Variants in IL1RAPL1 observed in about 807,000 individuals in gnomAD.
The protein encoded by IL1RAPL1 is interleukin 1 receptor accessory protein like 1.
Under a neutral mutation model 48.4 loss-of-function variants are expected in IL1RAPL1, and 3 were observed. That is an observed-to-expected ratio of 0.06 (90% CI 0.03 to 0.16). IL1RAPL1 has a LOEUF of 0.16. Ranked by LOEUF, IL1RAPL1 falls within the 10% of genes least tolerant of loss-of-function variation. The probability of loss-of-function intolerance (pLI) is 1.00; values close to 1 mark genes in which losing one functional copy is unlikely to be tolerated. For synonymous variants in IL1RAPL1, 185 were observed against 187.7 expected (o/e 0.99, Z 0.12); for missense variants, 349 against 530.6 (o/e 0.66, Z 3.36).
At chrX:29,149,211 A>T (rs1432455184) in intron 2 of IL1RAPL1, among the ~76,000 whole-genome samples, 1 of 110,814 alleles carries the variant, frequency 9.0e-6, no homozygotes, top group Non-Finnish European at 1.9e-5. Context: ...GCTTTATTAC[A>T]TCAGCTACAT....
chrX:29,790,349 AT>A (rs1929602189), intron 6 of IL1RAPL1, among the ~76,000 whole-genome samples: 1 of 111,380 alleles, frequency 9.0e-6, no homozygotes, highest in Non-Finnish European at 1.9e-5. Flanking sequence ...AATATTCATG[AT>A]TCTTATTGCG....
intron 2 of IL1RAPL1, among the ~76,000 whole-genome samples, chrX:29,056,180 A>T (rs761151872): frequency 9.0e-6 from 1 of 111,705 alleles, no homozygotes; most frequent in South Asian, 3.7e-4. Flanking sequence ...TTTAATATGG[A>T]CATGAACTCA....
chrX:28,593,833 T>A lies in IL1RAPL1; in HGVS notation c.-25+5786T>A, dbSNP rs185011926. ...TATCGATGTTTTAGATTAATATGTA[T>A]GACTTGGTATAGTGATCTTCATCAT... On this transcript the variant is annotated intron_variant, in intron 1 of 10. Coordinates refer to ENST00000378993, the MANE Select transcript of IL1RAPL1 (RefSeq NM_014271.4). Among the ~76,000 whole-genome samples, 43 of 111,419 alleles carry A rather than the reference T, an allele frequency of 3.9e-4. No homozygotes were observed. The East Asian group carries it at 8.7e-3, about 23-fold the overall frequency.
chrX:29,089,806 A>G (rs1184409687), intron 2 of IL1RAPL1, among the ~76,000 whole-genome samples: 2 of 85,063 alleles, frequency 2.4e-5, no homozygotes, highest in Non-Finnish European at 4.6e-5. Flanking sequence ...ACAGACACAC[A>G]TGTATATGAA....
chrX:28,815,106 A>G lies in IL1RAPL1; in HGVS notation c.82+25681A>G, dbSNP rs192501703. Among the ~76,000 whole-genome samples, 490 of 110,168 alleles carry G rather than the reference A, an allele frequency of 4.4e-3. 12 individuals carry two copies. The highest frequency in any genetic ancestry group is 0.041 in the Admixed American group (421 of 10,295). ...AAGAATAATAAAAACAAAATACTTT[A>G]CCTTCATTTATTTCCTCCCTTGATG... is the stretch of plus-strand genomic sequence containing the variant. On this transcript the variant is annotated intron_variant, in intron 2 of 10. Coordinates refer to ENST00000378993, the MANE Select transcript of IL1RAPL1 (RefSeq NM_014271.4).
chrX:28,613,018 C>T (rs1192656786), intron 1 of IL1RAPL1, among the ~76,000 whole-genome samples: 2 of 111,564 alleles, frequency 1.8e-5, no homozygotes, highest in Non-Finnish European at 3.8e-5. Context: ...GGACTCTTGT[C>T]ATATAGATCT....
At chrX:29,021,223 A>G (rs1926360825) in intron 2 of IL1RAPL1, among the ~76,000 whole-genome samples, 1 of 107,722 alleles carries the variant, frequency 9.3e-6, no homozygotes. Context: ...AGGAAAAAAA[A>G]AAAAAAAAAA....
intron 5 of IL1RAPL1, among the ~76,000 whole-genome samples, chrX:29,577,691 A>G (rs1922823027): frequency 8.9e-6 from 1 of 112,085 alleles, no homozygotes; most frequent in African/African-American, 3.2e-5. Context: ...TTCAAATTTC[A>G]GGTAGTGGGA....
chrX:28,854,968 T>C (rs752861872), intron 2 of IL1RAPL1, among the ~76,000 whole-genome samples: 5 of 111,839 alleles, frequency 4.5e-5, no homozygotes, highest in African/African-American at 1.6e-4. Flanking sequence ...GATCCTCTTA[T>C]CTTGTAGTGT....
chrX:28,945,078 G>A (rs183369927), intron 2 of IL1RAPL1, among the ~76,000 whole-genome samples: 19 of 111,190 alleles, frequency 1.7e-4, no homozygotes, highest in African/African-American at 6.2e-4. Flanking sequence ...TCAGAATGAC[G>A]ATTATTAAAA....
chrX:29,602,970 A>C (rs1923770055), intron 5 of IL1RAPL1, among the ~76,000 whole-genome samples: 1 of 112,644 alleles, frequency 8.9e-6, no homozygotes, highest in Non-Finnish European at 1.9e-5. Flanking sequence ...ATTTTCAGAT[A>C]AAATAGTGAA....
chrX:29,749,098 T>G lies in IL1RAPL1; in HGVS notation c.778+80594T>G, dbSNP rs141525143. ...GTTTGAGTTGCTAAATTGGAGGGCATGCAGGAAGCAGCATGGGAATGAAAT... is the reference window on the plus strand; with the variant it reads ...GTTTGAGTTGCTAAATTGGAGGGCAGGCAGGAAGCAGCATGGGAATGAAAT... On this transcript the variant is annotated intron_variant, in intron 6 of 10. Transcript: ENST00000378993. 5.7e-3 allele frequency among the ~76,000 whole-genome samples: 639 copies of G among 112,073 alleles called. 4 individuals carry two copies. Among genetic ancestry groups the G allele is most frequent in the African/African-American group, 0.02 (604 of 30,908 alleles).
At chrX:29,226,713 G>A (rs1191358676) in intron 2 of IL1RAPL1, among the ~76,000 whole-genome samples, 4 of 108,772 alleles carry the variant, frequency 3.7e-5, no homozygotes, top group Non-Finnish European at 5.7e-5. Context: ...GGGATTACAG[G>A]CGTGAGCCAC....
chrX:28,735,076 G>A (rs1935804930), intron 1 of IL1RAPL1, among the ~76,000 whole-genome samples: 1 of 111,924 alleles, frequency 8.9e-6, no homozygotes, highest in Non-Finnish European at 1.9e-5. Context: ...ATCAAGTTCT[G>A]TACCACCTAT....
chrX:28,935,332 T>G (rs1181994642), intron 2 of IL1RAPL1, among the ~76,000 whole-genome samples: 2 of 110,393 alleles, frequency 1.8e-5, no homozygotes, highest in Non-Finnish European at 3.8e-5. Flanking sequence ...CTTCCTTGGT[T>G]ATATATATAT....
intron 1 of IL1RAPL1, among the ~76,000 whole-genome samples, chrX:28,609,005 T>C (rs1053230657): frequency 1.8e-4 from 20 of 112,325 alleles, no homozygotes; most frequent in African/African-American, 6.1e-4. Context: ...AGACTGGCAT[T>C]AAGATGTGAA....
At chrX:29,468,804 G>T (rs894131177) in intron 5 of IL1RAPL1, among the ~76,000 whole-genome samples, 3 of 111,844 alleles carry the variant, frequency 2.7e-5, no homozygotes, top group Non-Finnish European at 5.6e-5. Flanking sequence ...AATATCTTGG[G>T]CAAATTTTTC....
chrX:29,203,735 ATATATATATATATATATATATATATAGT>A (rs1385911668), intron 2 of IL1RAPL1, among the ~76,000 whole-genome samples: 8 of 19,983 alleles, frequency 4.0e-4, no homozygotes, highest in African/African-American at 7.0e-4. Context: ...ATATATATAT[ATATATATATATATATATATATATATAGT>A]TAACTATAGT....
At chrX:29,149,860 A>G (rs1929425719) in intron 2 of IL1RAPL1, among the ~76,000 whole-genome samples, 1 of 111,793 alleles carries the variant, frequency 8.9e-6, no homozygotes, top group South Asian at 3.8e-4. Context: ...TAGAGGCAAA[A>G]ACACATGGCT....
Sources: gnomAD v4.1 joint callset for allele counts (sites outside exome capture counted in the v4.1 genomes callset) on GRCh38, gnomAD v4.1.1 for gene constraint, MANE v1.5 for transcripts, NCBI Gene and HGNC (gene_info 2026-07-23, HGNC 2026-07-21) for gene names.